MBNL1: variants seen among roughly 807,000 people sequenced by gnomAD.
The protein encoded by MBNL1 is muscleblind like splicing regulator 1.
A neutral mutation model predicts 42.2 loss-of-function variants in MBNL1; 8 were observed. The observed-to-expected ratio is 0.19, with a 90% CI of 0.11 to 0.34. MBNL1 has a LOEUF of 0.34. Among genes scored for constraint, MBNL1 ranks in the 10% least tolerant of loss-of-function variants. The probability of loss-of-function intolerance (pLI) is 1.00; values close to 1 mark genes in which losing one functional copy is unlikely to be tolerated. For synonymous variants in MBNL1, 169 were observed against 173.9 expected, an observed-to-expected ratio of 0.97 and a Z score of 0.22; for missense variants, 309 against 495.3, an observed-to-expected ratio of 0.62 and a Z score of 3.57.
At chr3:152,332,692 T>TTGTGTGTGTG (rs71144115) in intron 2 of MBNL1, among the ~76,000 whole-genome samples, 10 of 132,920 alleles carry the variant, frequency 7.5e-5, no homozygotes, top group South Asian at 2.5e-4. Context: ...TTTCATGGTT[T>TTGTGTGTGTG]TGTGTGTGTG....
intron 2 of MBNL1, chr3:152,339,646 G>A (rs2092571243): frequency 6.6e-6 from 1 of 151,774 alleles, no homozygotes; most frequent in East Asian, 1.9e-4. Flanking sequence ...GTTTCCCCTT[G>A]TTGAAATTAA....
intron 2 of MBNL1, among the ~76,000 whole-genome samples, chr3:152,347,773 A>ATTTTG (rs2094469893): frequency 6.6e-6 from 1 of 152,128 alleles, no homozygotes; most frequent in African/African-American, 2.4e-5. Context: ...TCTAATAAAG[A>ATTTTG]TAATGCACAG....
chr3:152,257,166 G>C (rs967599493), intron 2 of MBNL1, among the ~76,000 whole-genome samples: 5 of 152,142 alleles, frequency 3.3e-5, no homozygotes, highest in African/African-American at 4.8e-5. Flanking sequence ...GTGTGTGAGA[G>C]AATAAATGCT....
chr3:152,434,285 C>T lies in MBNL1; in HGVS notation c.549+1365C>T, dbSNP rs145346207. The stretch of plus-strand genomic sequence containing the variant: ...GGTCTCATCATTTAGCCCCCACTTA[C>T]AAGTGAGAACATGTGGTTATGTGGT... On this transcript the variant is annotated intron_variant, in intron 4 of 9. Transcript: ENST00000324210. Among the ~76,000 whole-genome samples the T allele has an allele frequency of 2.2e-4, 33 of 152,328 alleles. No homozygotes were observed. In the East Asian group the frequency reaches 6.2e-3, roughly 28 times the overall value.
intron 2 of MBNL1, among the ~76,000 whole-genome samples, chr3:152,257,562 T>C (rs1029727903): frequency 6.6e-6 from 1 of 152,224 alleles, no homozygotes; most frequent in Non-Finnish European, 1.5e-5. Flanking sequence ...ATAATTTTAG[T>C]GGCCCAAGCA....
chr3:152,359,155 T>C (rs979211088), intron 2 of MBNL1, among the ~76,000 whole-genome samples: 5 of 152,176 alleles, frequency 3.3e-5, no homozygotes, highest in Non-Finnish European at 7.3e-5. Context: ...AAGCAAGAAA[T>C]TGTTTTTGCA....
At chr3:152,446,605 A>G in intron 5 of MBNL1, 1 of 811,462 alleles carries the variant, frequency 1.2e-6, no homozygotes, top group Non-Finnish European at 2.0e-6. Flanking sequence ...CCAAAAATGC[A>G]CTGCTGCCCC....
At chr3:152,349,091 A>G (rs2094620897) in intron 2 of MBNL1, among the ~76,000 whole-genome samples, 2 of 152,112 alleles carry the variant, frequency 1.3e-5, no homozygotes, top group South Asian at 4.1e-4. Context: ...CAGGGAAGCA[A>G]GATCAGGTTA....
chr3:152,355,508 A>G (rs1027760095), intron 2 of MBNL1, among the ~76,000 whole-genome samples: 5 of 152,206 alleles, frequency 3.3e-5, no homozygotes, highest in African/African-American at 1.2e-4. Flanking sequence ...TAATCCTGGA[A>G]ATTGATACAA....
chr3:152,445,055 A>G (rs573970013), intron 4 of MBNL1, among the ~76,000 whole-genome samples: 64 of 152,348 alleles, frequency 4.2e-4, no homozygotes, highest in Non-Finnish European at 7.2e-4. Flanking sequence ...TATTTTTACC[A>G]TAATTAACAT....
chr3:152,341,984 C>G (rs2093338821), intron 2 of MBNL1, among the ~76,000 whole-genome samples: 2 of 152,010 alleles, frequency 1.3e-5, no homozygotes, highest in South Asian at 4.1e-4. Flanking sequence ...TACCTTTTAC[C>G]TTCAGTCCCA....
chr3:152,349,248 T>A (rs1183116030), intron 2 of MBNL1, among the ~76,000 whole-genome samples: 3 of 152,112 alleles, frequency 2.0e-5, no homozygotes, highest in African/African-American at 7.2e-5. Context: ...GTGTAATTAT[T>A]TGTATCTATT....
intron 2 of MBNL1, among the ~76,000 whole-genome samples, chr3:152,362,099 T>C (rs903020798): frequency 1.6e-4 from 24 of 152,338 alleles, no homozygotes; most frequent in East Asian, 1.9e-4. Flanking sequence ...TGCAAAACTC[T>C]TTCTGTTGAG....
chr3:152,261,127 G>T (rs781126023), intron 2 of MBNL1, among the ~76,000 whole-genome samples: 3 of 152,070 alleles, frequency 2.0e-5, no homozygotes, highest in Non-Finnish European at 4.4e-5. Context: ...CCTTGGCTGC[G>T]CTTTGAAATC....
At chr3:152,321,478 G>A (rs754669117) in intron 2 of MBNL1, among the ~76,000 whole-genome samples, 1 of 151,918 alleles carries the variant, frequency 6.6e-6, no homozygotes, top group Non-Finnish European at 1.5e-5. Context: ...TAAGTCCCTG[G>A]TAATAATCTT....
At chr3:152,284,865 A>T (rs185218239) in intron 1 of MBNL1, among the ~76,000 whole-genome samples, 34 of 152,264 alleles carry the variant, frequency 2.2e-4, no homozygotes, top group East Asian at 1.5e-3. Flanking sequence ...GAATAAATTT[A>T]AAAAAATCAT....
chr3:152,335,224 GA>G, intron 2 of MBNL1: 1 of 1,289,770 alleles, frequency 7.8e-7, no homozygotes, highest in Non-Finnish European at 1.0e-6. Context: ...TTGGCTAATG[GA>G]TGCTGGTGAG....
intron 2 of MBNL1, among the ~76,000 whole-genome samples, chr3:152,324,282 T>C (rs763498499): frequency 2.0e-4 from 31 of 152,220 alleles, no homozygotes; most frequent in Non-Finnish European, 4.1e-4. Flanking sequence ...GTTTATTAAT[T>C]TCAAATATAA....
intron 4 of MBNL1, among the ~76,000 whole-genome samples, chr3:152,443,191 C>A (rs1353588851): frequency 3.7e-5 from 4 of 107,378 alleles, no homozygotes; most frequent in South Asian, 6.1e-4. Context: ...CCCCCCCCCC[C>A]ACACACACAC....
Sources: allele counts gnomAD v4.1 joint callset (sites outside exome capture counted in the v4.1 genomes callset), GRCh38; gene constraint gnomAD v4.1.1; transcripts MANE v1.5; gene names NCBI Gene and HGNC (gene_info 2026-07-23, HGNC 2026-07-21).